The following ARL15 variants were observed in gnomAD, a reference collection of about 807,000 sequenced individuals.
ARL15 encodes ARF like GTPase 15.
ARL15 carries 19 observed loss-of-function variants against 25.2 expected under a neutral mutation model. That is an observed-to-expected ratio of 0.75 (90% CI 0.53 to 1.10). ARL15 has a LOEUF of 1.10. ARL15 is among the 50% of genes least tolerant of loss of function. ARL15 has a pLI of 0.00. For synonymous variants in ARL15, 94 were observed against 86.8 expected (o/e 1.08, Z -0.46); for missense variants, 220 against 246.0 (o/e 0.89, Z 0.71).
chr5:53,967,694 T>G (rs1747608673), intron 4 of ARL15, among the ~76,000 whole-genome samples: 1 of 152,146 alleles, frequency 6.6e-6, no homozygotes, highest in Admixed American at 6.5e-5. Context: ...CTAGGAATCA[T>G]CTGCATGTGA....
At chr5:54,161,986 T>TACACACACAC (rs1166499652) in intron 2 of ARL15, among the ~76,000 whole-genome samples, 4 of 94,274 alleles carry the variant, frequency 4.2e-5, no homozygotes, top group African/African-American at 1.9e-4. Flanking sequence ...CTTCTTTACT[T>TACACACACAC]ACACACACAC....
At chr5:53,994,741 T>C (rs67721004) in intron 4 of ARL15, among the ~76,000 whole-genome samples, 41,389 of 152,052 alleles carry the variant, frequency 0.27, 5,822 homozygotes, top group East Asian at 0.46. Context: ...AGCTGCCTTG[T>C]TTTAAAATTT....
intron 1 of ARL15, among the ~76,000 whole-genome samples, chr5:54,245,624 G>C (rs1049671380): frequency 3.9e-5 from 6 of 152,034 alleles, no homozygotes; most frequent in African/African-American, 1.2e-4. Context: ...GTTTTGCTCT[G>C]CTGTCCAGGC....
At chr5:54,240,062 C>T (rs1282875044) in intron 1 of ARL15, among the ~76,000 whole-genome samples, 6 of 151,844 alleles carry the variant, frequency 4.0e-5, no homozygotes, top group Admixed American at 6.6e-5. Flanking sequence ...CCCATCTCTA[C>T]TAAAAATACA....
At chr5:54,240,500 A>G (rs190316484) in intron 1 of ARL15, among the ~76,000 whole-genome samples, 7 of 152,230 alleles carry the variant, frequency 4.6e-5, no homozygotes, top group African/African-American at 1.7e-4. Context: ...TCCTTTTCAC[A>G]ACACCTAAAA....
chr5:54,241,684 A>G (rs1317693558), intron 1 of ARL15, among the ~76,000 whole-genome samples: 1 of 152,204 alleles, frequency 6.6e-6, no homozygotes, highest in Non-Finnish European at 1.5e-5. Flanking sequence ...TCCGTGTTGA[A>G]TCCGATTCCT....
At chr5:53,891,436 G>C (rs1237850118) in intron 4 of ARL15, among the ~76,000 whole-genome samples, 1 of 152,190 alleles carries the variant, frequency 6.6e-6, no homozygotes, top group East Asian at 1.9e-4. Context: ...GTTCTACTGA[G>C]TTAGATGCCA....
intron 4 of ARL15, among the ~76,000 whole-genome samples, chr5:54,077,910 G>A (rs1008618340): frequency 2.0e-5 from 3 of 152,082 alleles, no homozygotes; most frequent in Non-Finnish European, 4.4e-5. Flanking sequence ...ACCTTAAGAC[G>A]CCATTCCTTT....
At chr5:54,212,099 G>A (rs200041921) in intron 1 of ARL15, among the ~76,000 whole-genome samples, 24 of 152,182 alleles carry the variant, frequency 1.6e-4, no homozygotes, top group East Asian at 9.7e-4. Context: ...TATAGTCTCC[G>A]TCACAATTAC....
intron 1 of ARL15, among the ~76,000 whole-genome samples, chr5:54,245,118 A>C (rs1431972449): frequency 6.6e-6 from 1 of 152,152 alleles, no homozygotes; most frequent in Non-Finnish European, 1.5e-5. Context: ...ATTTAACTTC[A>C]TGATAATGTT....
At chr5:53,936,806 C>T (rs1220076388) in intron 4 of ARL15, among the ~76,000 whole-genome samples, 4 of 152,276 alleles carry the variant, frequency 2.6e-5, no homozygotes, top group East Asian at 1.9e-4. Context: ...TGCTGGGGTT[C>T]GCTAGAGGGA....
At chr5:54,057,084 T>C (rs1179502470) in intron 4 of ARL15, among the ~76,000 whole-genome samples, 1 of 151,252 alleles carries the variant, frequency 6.6e-6, no homozygotes, top group Non-Finnish European at 1.5e-5. Flanking sequence ...AGGATAGAAA[T>C]CACCTTAAAA....
intron 4 of ARL15, among the ~76,000 whole-genome samples, chr5:54,025,978 G>A (rs1461271520): frequency 6.6e-6 from 1 of 152,122 alleles, no homozygotes; most frequent in East Asian, 1.9e-4. Context: ...AGGGCTTGAT[G>A]GGATAATTTC....
intron 4 of ARL15, among the ~76,000 whole-genome samples, chr5:53,946,026 G>C (rs558261047): frequency 1.3e-5 from 2 of 152,278 alleles, no homozygotes; most frequent in South Asian, 4.2e-4. Context: ...GTGTGGCATT[G>C]GGAACCCTCA....
rs201513227 is a variant in ARL15 at position 54,293,346 on chromosome 5, TATA to T, written c.48+17083_48+17085del. Among the ~76,000 whole-genome samples, 1,119 of 152,252 alleles carry T rather than the reference TATA, an allele frequency of 7.3e-3. 15 individuals are homozygous for T. The highest frequency in any genetic ancestry group is 0.025 in the African/African-American group (1,032 of 41,538). ...GCTTCATTGTCCTCACTGATTAATA[TATA>T]ATAATAATAAACGTGTAAGTAAATA... On this transcript the variant is annotated intron_variant, in intron 1 of 4. Coordinates refer to ENST00000504924, the MANE Select transcript of ARL15 (RefSeq NM_019087.3).
At chr5:54,133,453 A>C (rs1753499153) in intron 3 of ARL15, among the ~76,000 whole-genome samples, 1 of 152,168 alleles carries the variant, frequency 6.6e-6, no homozygotes, top group Admixed American at 6.5e-5. Flanking sequence ...AGTACCCCAC[A>C]CAAGTATTAT....
chr5:54,206,295 T>C (rs948466717), intron 1 of ARL15, among the ~76,000 whole-genome samples: 13 of 152,188 alleles, frequency 8.5e-5, no homozygotes, highest in African/African-American at 3.1e-4. Flanking sequence ...TCAACCCATA[T>C]TGACTGAGTG....
intron 4 of ARL15, among the ~76,000 whole-genome samples, chr5:54,037,555 C>T (rs1232345080): frequency 6.6e-6 from 1 of 152,056 alleles, no homozygotes; most frequent in Non-Finnish European, 1.5e-5. Flanking sequence ...TCTAATGCCT[C>T]CACCCTAATT....
intron 4 of ARL15, among the ~76,000 whole-genome samples, chr5:54,102,846 C>T (rs1176638684): frequency 6.6e-6 from 1 of 152,148 alleles, no homozygotes; most frequent in Admixed American, 6.5e-5. Flanking sequence ...ATTCTACATG[C>T]TAAAATTATA....
Sources: gnomAD v4.1 joint callset for allele counts (sites outside exome capture counted in the v4.1 genomes callset) on GRCh38, gnomAD v4.1.1 for gene constraint, MANE v1.5 for transcripts, NCBI Gene and HGNC (gene_info 2026-07-23, HGNC 2026-07-21) for gene names.